Variants in RAPGEF5 observed in about 807,000 individuals in gnomAD.
The protein encoded by RAPGEF5 is Rap guanine nucleotide exchange factor 5, also known as M-Ras-regulated GEF.
In RAPGEF5, 65 loss-of-function variants were observed where a neutral mutation model predicts 125.2. The observed-to-expected ratio is 0.52, with a 90% CI of 0.43 to 0.64. The LOEUF is 0.64. Ranked by LOEUF, RAPGEF5 falls within the 30% of genes least tolerant of loss-of-function variation. The pLI, the probability that RAPGEF5 is intolerant of heterozygous loss-of-function variation, is 0.00. For synonymous variants in RAPGEF5, 391 were observed against 385.9 expected (o/e 1.01, Z -0.16); for missense variants, 958 against 1,048.1 (o/e 0.91, Z 1.19).
At chr7:22,285,288 G>A (rs187221767) in intron 6 of RAPGEF5, among the ~76,000 whole-genome samples, 50 of 152,214 alleles carry the variant, frequency 3.3e-4, no homozygotes, top group South Asian at 8.3e-4. Flanking sequence ...TTGAAAAATC[G>A]TTACATCAGA....
chr7:22,282,070 C>A (rs1331346511), intron 6 of RAPGEF5, among the ~76,000 whole-genome samples: 1 of 152,164 alleles, frequency 6.6e-6, no homozygotes, highest in African/African-American at 2.4e-5. Flanking sequence ...TCTATTCATT[C>A]ATACTCTCCT....
At chr7:22,257,437 T>C (rs974461322) in intron 7 of RAPGEF5, among the ~76,000 whole-genome samples, 1 of 152,208 alleles carries the variant, frequency 6.6e-6, no homozygotes, top group Admixed American at 6.5e-5. Context: ...ATTAATGCAT[T>C]CTATTTATGA....
At chr7:22,260,532 TAAA>T (rs71550468) in intron 7 of RAPGEF5, among the ~76,000 whole-genome samples, 2 of 124,162 alleles carry the variant, frequency 1.6e-5, no homozygotes, top group Non-Finnish European at 1.7e-5. Context: ...TTAGGACCAG[TAAA>T]AAAAAAAAAA....
At chr7:22,205,021 A>C (rs572716086) in intron 9 of RAPGEF5, among the ~76,000 whole-genome samples, 2 of 152,148 alleles carry the variant, frequency 1.3e-5, no homozygotes, top group Non-Finnish European at 2.9e-5. Flanking sequence ...ACAAAAAAGG[A>C]ATTAGTATTT....
intron 7 of RAPGEF5, among the ~76,000 whole-genome samples, chr7:22,240,455 TC>T (rs1245265219): frequency 6.6e-6 from 1 of 151,898 alleles, no homozygotes; most frequent in African/African-American, 2.4e-5. Flanking sequence ...CACTGTAACC[TC>T]CACCTCCCGG....
intron 6 of RAPGEF5, among the ~76,000 whole-genome samples, chr7:22,288,554 G>A (rs1782853437): frequency 6.9e-6 from 1 of 145,100 alleles, no homozygotes. Flanking sequence ...ACGGAGTCTC[G>A]CTCTTTCGCC....
In RAPGEF5 at chr7:22,122,174, T is replaced by C; in HGVS notation, c.*232A>G. The C allele has an allele frequency of 2.1e-6, 1 of 481,672 alleles. No individual in the cohort carries two copies. The highest frequency in any genetic ancestry group is 3.8e-6 in the Non-Finnish European group (1 of 264,524). The allele number at this position is 481,672 out of a possible 1,614,324, so 29.8% of individuals were successfully genotyped here. On this transcript the variant is annotated 3_prime_UTR_variant, in exon 26 of 26. Coordinates refer to ENST00000665637, the MANE Select transcript of RAPGEF5 (RefSeq NM_012294.5). ...CCAGCCTTCTCCATCTCAAGAATGC[T>C]TCTGACTCTCCTTCTGCCTTCTTGT...
At chr7:22,246,501 G>A (rs569949756) in intron 7 of RAPGEF5, among the ~76,000 whole-genome samples, 1 of 152,246 alleles carries the variant, frequency 6.6e-6, no homozygotes, top group African/African-American at 2.4e-5. Context: ...TCAATGAATG[G>A]TGCTGGGATA....
intron 1 of RAPGEF5, among the ~76,000 whole-genome samples, chr7:22,339,292 T>C (rs1180833864): frequency 6.6e-6 from 1 of 152,250 alleles, no homozygotes; most frequent in African/African-American, 2.4e-5. Context: ...TCTCTCACTC[T>C]GCCTTATGCC....
chr7:22,192,998 C>A, intron 11 of RAPGEF5: 1 of 287,524 alleles, frequency 3.5e-6, no homozygotes, highest in Non-Finnish European at 6.5e-6. Context: ...GCACTGCCTA[C>A]ATGCCAGGTG....
intron 7 of RAPGEF5, among the ~76,000 whole-genome samples, chr7:22,261,765 A>G (rs1782161243): frequency 6.6e-6 from 1 of 152,218 alleles, no homozygotes; most frequent in African/African-American, 2.4e-5. Context: ...TCCCATACAA[A>G]TACGCCCACA....
chr7:22,274,203 T>C (rs1782505191), intron 6 of RAPGEF5, among the ~76,000 whole-genome samples: 1 of 152,152 alleles, frequency 6.6e-6, no homozygotes, highest in Admixed American at 6.5e-5. Flanking sequence ...TTCCATTCAC[T>C]CACATGACTT....
chr7:22,303,495 G>A (rs17146613), intron 5 of RAPGEF5, among the ~76,000 whole-genome samples: 11,223 of 152,078 alleles, frequency 0.074, 508 homozygotes, highest in Non-Finnish European at 0.11. Context: ...AAATGCATTT[G>A]TATGGAACAA....
chr7:22,205,559 C>T (rs932699039), intron 9 of RAPGEF5, among the ~76,000 whole-genome samples: 3 of 152,148 alleles, frequency 2.0e-5, no homozygotes, highest in Non-Finnish European at 2.9e-5. Context: ...AAATTCTTCA[C>T]GTGACAGATA....
At chr7:22,220,407 C>A (rs1280184076) in intron 8 of RAPGEF5, among the ~76,000 whole-genome samples, 1 of 152,160 alleles carries the variant, frequency 6.6e-6, no homozygotes, top group Non-Finnish European at 1.5e-5. Flanking sequence ...CTAAAAATAA[C>A]AATATGCAAC....
chr7:22,193,947 G>A lies in RAPGEF5; in HGVS notation c.1083C>T (p.Ala361=), dbSNP rs780795435. 45 of 1,613,888 alleles carry A rather than the reference G, an allele frequency of 2.8e-5. No individual in the cohort carries two copies. The South Asian group carries it at 4.6e-4, about 17-fold the overall frequency. ...GGCTCTCCGCACTCCCAGCTGTGGGGGCTGGGCCACAGCACTGCACTTTCT... is the reference window on the plus strand; with the variant it reads ...GGCTCTCCGCACTCCCAGCTGTGGGAGCTGGGCCACAGCACTGCACTTTCT... The part of the protein sequence containing the change: ...VLKKVQCCGP[A]PTAGSAESHW... The change falls in exon 10 of 26, where the codon GCC becomes GCT. Residue 361 remains alanine (A), a synonymous_variant. Transcript: ENST00000665637.
At chr7:22,175,714 A>C (rs1028237680) in intron 11 of RAPGEF5, among the ~76,000 whole-genome samples, 1 of 152,208 alleles carries the variant, frequency 6.6e-6, no homozygotes, top group East Asian at 1.9e-4. Flanking sequence ...AAACGTTCTT[A>C]ACTTTCAGGA....
At chr7:22,328,596 A>C in intron 1 of RAPGEF5, among the ~76,000 whole-genome samples, 1 of 152,236 alleles carries the variant, frequency 6.6e-6, no homozygotes, top group Non-Finnish European at 1.5e-5. Context: ...ACATACCTAC[A>C]TACATACATT....
intron 9 of RAPGEF5, among the ~76,000 whole-genome samples, chr7:22,206,028 A>G (rs1054996199): frequency 1.1e-4 from 16 of 152,342 alleles, no homozygotes; most frequent in East Asian, 3.9e-4. Context: ...TGAGTAATCA[A>G]TTGGTATCCT....
Sources: allele counts gnomAD v4.1 joint callset (sites outside exome capture counted in the v4.1 genomes callset), GRCh38; gene constraint gnomAD v4.1.1; transcripts MANE v1.5; gene names NCBI Gene and HGNC (gene_info 2026-07-23, HGNC 2026-07-21).